Variants in LIX1 observed in about 807,000 individuals in gnomAD.
The protein encoded by LIX1 is limb and CNS expressed 1.
LIX1 carries 24 observed loss-of-function variants against 33.4 expected under a neutral mutation model. The observed-to-expected ratio is 0.72, with a 90% confidence interval of 0.52 to 1.01. The LOEUF (loss-of-function observed/expected upper bound fraction) is 1.01, where lower values mean the gene tolerates loss of function less well. Among genes scored for constraint, LIX1 ranks in the 50% least tolerant of loss-of-function variants. The pLI is 0.00. For synonymous variants in LIX1, 124 were observed against 124.0 expected (o/e 1.00, Z 0.00); for missense variants, 311 against 339.2 (o/e 0.92, Z 0.65).
Position 97,094,841 on chromosome 5 carries a change from C to T in LIX1, c.756G>A (p.Leu252=). 6.2e-7 allele frequency: 1 copy of T among 1,614,160 alleles called. No individual in the cohort carries two copies. Among genetic ancestry groups the T allele is most frequent in the Non-Finnish European group, 8.5e-7 (1 of 1,180,002 alleles). The change falls in exon 6 of 6, where the codon TTG becomes TTA. Residue 252 remains leucine (L), a synonymous_variant. Coordinates refer to ENST00000274382, the MANE Select transcript of LIX1 (RefSeq NM_153234.5). ...LRFYKEKKEI[L]SLALTQICSD... is the part of the protein sequence containing the mutation. ...TGCAGATCTGAGTCAGGGCTAAGCT[C>T]AATATTTCTTTCTTTTCTTTGTAAA... is the stretch of plus-strand genomic sequence containing the variant.
chr5:97,099,812 C>T (rs941731661), intron 4 of LIX1, among the ~76,000 whole-genome samples: 1 of 152,108 alleles, frequency 6.6e-6, no homozygotes, highest in East Asian at 1.9e-4. Context: ...ACTCCAGCCT[C>T]GGCAAGTGAG....
Position 97,094,581 on chromosome 5 carries a change from G to C in LIX1, c.*167C>G. 1.6e-6 allele frequency: 1 copy of C among 616,318 alleles called. No homozygotes were observed. The highest frequency in any genetic ancestry group is 2.2e-5 in the South Asian group (1 of 45,896). The allele number at this position is 616,318 out of a possible 1,614,324, so 38.2% of individuals were successfully genotyped here. A position where few individuals can be genotyped will look rare whatever the true frequency, so the allele number is the denominator to read the frequency against. On this transcript the variant is annotated 3_prime_UTR_variant, in exon 6 of 6. Coordinates refer to ENST00000274382, the MANE Select transcript of LIX1 (RefSeq NM_153234.5). ...TGCATCGAGTGGCTTGTTGGGTCTT[G>C]TAAGGGTCCTACGACTCTCATACTC... is the stretch of plus-strand genomic sequence containing the variant.
At chr5:97,100,847 A>G (rs1746655111) in intron 4 of LIX1, among the ~76,000 whole-genome samples, 1 of 151,596 alleles carries the variant, frequency 6.6e-6, no homozygotes, top group African/African-American at 2.4e-5. Flanking sequence ...CAGGAAGATC[A>G]TGAGTTTGTG....
chr5:97,119,984 C>G (rs1056090808), intron 2 of LIX1, among the ~76,000 whole-genome samples: 1 of 152,112 alleles, frequency 6.6e-6, no homozygotes, highest in African/African-American at 2.4e-5. Flanking sequence ...ATAATGCATG[C>G]CTGGGTGTGA....
intron 1 of LIX1, among the ~76,000 whole-genome samples, 190 bp from the exon 2 acceptor site, chr5:97,124,819 T>C (rs1219471900): frequency 6.6e-6 from 1 of 152,226 alleles, no homozygotes; most frequent in East Asian, 1.9e-4. Context: ...ATTTAAAGTA[T>C]GTTAAAATAT....
At chr5:97,118,958 C>T (rs1200947715) in intron 2 of LIX1, among the ~76,000 whole-genome samples, 1 of 152,162 alleles carries the variant, frequency 6.6e-6, no homozygotes, top group Non-Finnish European at 1.5e-5. Context: ...AGAGGCTTCT[C>T]TGCATAAAAA....
In LIX1 at chr5:97,142,480, C is replaced by T. The variant is rs1748310529; in HGVS notation, c.82+15G>A. The T allele has an allele frequency of 6.2e-7, 1 of 1,600,554 alleles. No individual in the cohort carries two copies. The highest frequency in any genetic ancestry group is 1.1e-5 in the South Asian group (1 of 90,732). ...TTCTAAAAAGTCAAAAAACTTTTCC[C>T]CCTTCAGTACTTACAGTCTTTGAAG... is the stretch of plus-strand genomic sequence containing the variant. On this transcript the variant is annotated intron_variant, in intron 1 of 5. Coordinates refer to ENST00000274382, the MANE Select transcript of LIX1 (RefSeq NM_153234.5).
At chr5:97,116,188 C>T (rs1451529709) in intron 2 of LIX1, among the ~76,000 whole-genome samples, 1 of 152,164 alleles carries the variant, frequency 6.6e-6, no homozygotes. Context: ...GCTAACGGAA[C>T]CCCTTTCAGT....
intron 2 of LIX1, among the ~76,000 whole-genome samples, chr5:97,121,431 T>C (rs1410545304): frequency 1.3e-5 from 2 of 152,190 alleles, no homozygotes; most frequent in African/African-American, 4.8e-5. Flanking sequence ...CCTCCAAAAT[T>C]TATCTGCATG....
intron 2 of LIX1, among the ~76,000 whole-genome samples, chr5:97,121,631 G>A (rs1014485533): frequency 2.6e-5 from 4 of 152,042 alleles, no homozygotes; most frequent in Non-Finnish European, 5.9e-5. Flanking sequence ...TTTAATAGCT[G>A]TTTTAGAGAG....
chr5:97,099,923 T>C (rs1167588226), intron 4 of LIX1, among the ~76,000 whole-genome samples: 1 of 152,210 alleles, frequency 6.6e-6, no homozygotes, highest in African/African-American at 2.4e-5. Flanking sequence ...CAGACACATA[T>C]ACTGGATTTA....
Position 97,124,557 on chromosome 5 carries a change from C to T in LIX1, c.155G>A (p.Gly52Asp), listed in dbSNP as rs552442379. Residue 52 changes from glycine (G) to aspartate (D), a missense_variant, in exon 2 of 6, where the codon GGT (glycine) becomes GAT (aspartate). Transcript: ENST00000274382. ...QQQKAAFPSE[G>D]VVVYESLPAP... The stretch of plus-strand genomic sequence containing the variant: ...TGGCAGTGACTCATAGACCACCACA[C>T]CTTCACTTGGGAATGCAGCCTTCTG... 3 of 1,612,024 alleles carry T rather than the reference C, an allele frequency of 1.9e-6. No individual in the cohort carries two copies. Among genetic ancestry groups the T allele is most frequent in the Non-Finnish European group, 2.5e-6 (3 of 1,178,820 alleles).
At chr5:97,135,805 C>A (rs1383856576) in intron 1 of LIX1, among the ~76,000 whole-genome samples, 1 of 151,588 alleles carries the variant, frequency 6.6e-6, no homozygotes, top group East Asian at 1.9e-4. Context: ...GGTGACAGAG[C>A]GAGACTCTGT....
chr5:97,094,829 C>T lies in LIX1; in HGVS notation c.768G>A (p.Leu256=). 6.2e-7 allele frequency: 1 copy of T among 1,614,196 alleles called. No homozygotes were observed. Residue 256 remains leucine (L), a synonymous_variant, in exon 6 of 6, where the codon CTG becomes CTA. Transcript: ENST00000274382. ...KEKKEILSLA[L]TQICSDPDTS... ...TGTCAGGGTCACTGCAGATCTGAGTCAGGGCTAAGCTCAATATTTCTTTCT... is the reference window on the plus strand; with the variant it reads ...TGTCAGGGTCACTGCAGATCTGAGTTAGGGCTAAGCTCAATATTTCTTTCT...
chr5:97,113,346 T>C (rs1261086969), intron 2 of LIX1, among the ~76,000 whole-genome samples: 1 of 152,170 alleles, frequency 6.6e-6, no homozygotes, highest in Non-Finnish European at 1.5e-5. Flanking sequence ...TGCGAGACAA[T>C]AAATGTTTGT....
In LIX1 at chr5:97,094,953, C is replaced by T. The variant is rs778567984; in HGVS notation, c.644G>A (p.Arg215Gln). ...TTGAGAGACAATTCCTGGTGAGTCC[C>T]GCTCCTTCATGATCCAGTCCAGGGC... ...HMALDWIMKE[R>Q]DSPGIVSQEL... Residue 215 changes from arginine (R) to glutamine (Q), a missense_variant, in exon 6 of 6, where the codon CGG becomes CAG. Arg to Gln is a conservative substitution (Grantham distance 43). Transcript: ENST00000274382. The T allele has an allele frequency of 1.5e-5, 25 of 1,614,030 alleles. No individual in the cohort carries two copies. The highest frequency in any genetic ancestry group is 5.0e-5 in the Admixed American group (3 of 60,002).
At chr5:97,129,668 C>T (rs149513185) in intron 1 of LIX1, among the ~76,000 whole-genome samples, 16 of 152,162 alleles carry the variant, frequency 1.1e-4, no homozygotes, top group African/African-American at 3.6e-4. Flanking sequence ...TGAGATACTC[C>T]GTAATATAAT....
intron 3 of LIX1, 134 bp from the exon 4 acceptor site, chr5:97,105,419 C>G: frequency 1.6e-6 from 1 of 637,856 alleles, no homozygotes; most frequent in Non-Finnish European, 2.8e-6. Context: ...AACCAAGTCT[C>G]CAGTAGATTT....
chr5:97,138,530 G>C (rs1038806430), intron 1 of LIX1, among the ~76,000 whole-genome samples: 1 of 152,298 alleles, frequency 6.6e-6, no homozygotes, highest in Middle Eastern at 3.4e-3. Context: ...CTAATTTACT[G>C]TTAACTCCAA....
Sources: gnomAD v4.1 joint callset for allele counts (sites outside exome capture counted in the v4.1 genomes callset) on GRCh38, gnomAD v4.1.1 for gene constraint, MANE v1.5 for transcripts, NCBI Gene and HGNC (gene_info 2026-07-23, HGNC 2026-07-21) for gene names.